Variants in PTBP3 observed in about 807,000 individuals in gnomAD.
PTBP3 encodes the protein polypyrimidine tract binding protein 3.
Under a neutral mutation model 58.7 loss-of-function variants are expected in PTBP3, and 20 were observed. The ratio of observed to expected loss-of-function variants is 0.34; its 90% CI spans 0.24 to 0.50. PTBP3 has a LOEUF of 0.50. PTBP3 is among the 20% of genes least tolerant of loss of function. The pLI, the probability that PTBP3 is intolerant of heterozygous loss-of-function variation, is 0.98. For synonymous variants in PTBP3, 185 were observed against 219.8 expected, an observed-to-expected ratio of 0.84 and a Z score of 1.40; for missense variants, 509 against 637.2, an observed-to-expected ratio of 0.80 and a Z score of 2.17.
chr9:112,220,146 G>A lies in PTBP3; in HGVS notation c.*3705C>T, dbSNP rs777774544. 6.9e-6 allele frequency: 9 copies of A among 1,307,746 alleles called. No homozygotes were observed. Among genetic ancestry groups the A allele is most frequent in the Non-Finnish European group, 9.0e-6 (9 of 998,728 alleles). The allele number at this position is 1,307,746 out of a possible 1,614,324, so 81.0% of individuals were successfully genotyped here. On this transcript the variant is annotated 3_prime_UTR_variant, in exon 14 of 14. Transcript: ENST00000374257. ...TACACATTAGGTTTTCTAAGGGATAGGTGGGGAAAAACACATGTACTTTTG... is the reference window on the plus strand; with the variant it reads ...TACACATTAGGTTTTCTAAGGGATAAGTGGGGAAAAACACATGTACTTTTG...
chr9:112,337,524 C>T (rs1830586037), upstream of PTBP3, among the ~76,000 whole-genome samples: 1 of 152,182 alleles, frequency 6.6e-6, no homozygotes, highest in East Asian at 1.9e-4. Flanking sequence ...TCTCAGATAT[C>T]ACCTACATGA....
At chr9:112,290,685 AAAAT>A (rs1355757927) in intron 2 of PTBP3, among the ~76,000 whole-genome samples, 5 of 38,434 alleles carry the variant, frequency 1.3e-4, no homozygotes, top group African/African-American at 4.8e-4. Flanking sequence ...AAAAAAAAAA[AAAAT>A]ATATATATAT....
intron 1 of PTBP3, among the ~76,000 whole-genome samples, chr9:112,331,943 C>T (rs549696436): frequency 6.6e-6 from 1 of 152,280 alleles, no homozygotes; most frequent in Non-Finnish European, 1.5e-5. Flanking sequence ...TAAGTCAAAC[C>T]TTCCAGACAA....
At chr9:112,363,682 T>G in the PTBP3 span, among the ~76,000 whole-genome samples, 1 of 152,164 alleles carries the variant, frequency 6.6e-6, no homozygotes, top group African/African-American at 2.4e-5. Context: ...TACCACATGG[T>G]TTTTGCTTTT....
chr9:112,348,828 C>G, the PTBP3 span, among the ~76,000 whole-genome samples: 9 of 152,074 alleles, frequency 5.9e-5, no homozygotes, highest in Non-Finnish European at 1.0e-4. Context: ...ACCACCCCCC[C>G]TCCCAGATGT....
At position 112,221,820 on chromosome 9, in the gene PTBP3, T is replaced by C. The variant is rs1010089245; in HGVS notation, c.*2031A>G. 1.1e-5 allele frequency: 11 copies of C among 984,990 alleles called. No homozygotes were observed. The Admixed American group carries it at 4.9e-4, about 44-fold the overall frequency. The allele number at this position is 984,990 out of a possible 1,614,324, so 61.0% of individuals were successfully genotyped here. A position where few individuals can be genotyped will look rare whatever the true frequency, so the allele number is the denominator to read the frequency against. On this transcript the variant is annotated 3_prime_UTR_variant, in exon 14 of 14. Transcript: ENST00000374257. ...ACAATCTGTATCATCTCTTGCAGTCTCTATTTTTTGGTAAAATTTCTTCTG... is the reference window on the plus strand; with the variant it reads ...ACAATCTGTATCATCTCTTGCAGTCCCTATTTTTTGGTAAAATTTCTTCTG...
the PTBP3 span, among the ~76,000 whole-genome samples, chr9:112,366,128 CA>C: frequency 4.6e-5 from 7 of 152,014 alleles, no homozygotes; most frequent in African/African-American, 1.4e-4. Flanking sequence ...ACTAAAAATA[CA>C]AAAATTAGCT....
At chr9:112,234,525 G>C (rs1046552994) in intron 8 of PTBP3, among the ~76,000 whole-genome samples, 1 of 152,158 alleles carries the variant, frequency 6.6e-6, no homozygotes, top group Non-Finnish European at 1.5e-5. Flanking sequence ...ATAACAACTG[G>C]AAAGGCAAAT....
chr9:112,358,163 A>C, the PTBP3 span, among the ~76,000 whole-genome samples: 1 of 152,130 alleles, frequency 6.6e-6, no homozygotes, highest in South Asian at 2.1e-4. Flanking sequence ...ATAAAAAATT[A>C]GCTGGGCGTG....
chr9:112,257,692 C>T (rs1249301312), intron 5 of PTBP3, among the ~76,000 whole-genome samples: 3 of 152,126 alleles, frequency 2.0e-5, no homozygotes, highest in Non-Finnish European at 4.4e-5. Flanking sequence ...GTAATCCCAG[C>T]ACTTTGGGAG....
rs1470407790 is a variant in PTBP3, at chr9:112,223,863, T to G, written c.1563A>C (p.Lys521Asn). The change falls in exon 14 of 14, where the codon AAA becomes AAC. Residue 521 changes from lysine to asparagine, a missense_variant. This residue lies in a region of PTBP3 where 135 missense variants were observed against 229.0 expected (regional missense o/e 0.59). Transcript: ENST00000374257. ...ENHHLRVSFS[K>N]STI ...ATTCACAGAAAAGTCAGATTGTAGA[T>G]TTTGAGAAGGAAACTCTGAGGTGGT... The G allele has an allele frequency of 6.2e-7, 1 of 1,613,478 alleles. No individual in the cohort carries two copies. Among genetic ancestry groups the G allele is most frequent in the Non-Finnish European group, 8.5e-7 (1 of 1,179,580 alleles).
At chr9:112,266,534 T>C (rs1836807382) in intron 4 of PTBP3, among the ~76,000 whole-genome samples, 1 of 152,134 alleles carries the variant, frequency 6.6e-6, no homozygotes, top group Non-Finnish European at 1.5e-5. Flanking sequence ...CAATATACAT[T>C]GTATTGGATT....
intron 1 of PTBP3, among the ~76,000 whole-genome samples, chr9:112,331,227 A>T (rs1388405746): frequency 2.6e-5 from 4 of 152,142 alleles, no homozygotes; most frequent in Non-Finnish European, 5.9e-5. Flanking sequence ...GATCTTTTTC[A>T]GGCTGTTGGA....
At chr9:112,243,788 C>A (rs1788450080) in intron 7 of PTBP3, among the ~76,000 whole-genome samples, 1 of 152,136 alleles carries the variant, frequency 6.6e-6, no homozygotes, top group African/African-American at 2.4e-5. Flanking sequence ...TGTTAGGTAT[C>A]ATTTTAAACT....
chr9:112,365,281 T>C, the PTBP3 span, among the ~76,000 whole-genome samples: 1 of 152,186 alleles, frequency 6.6e-6, no homozygotes, highest in Non-Finnish European at 1.5e-5. Flanking sequence ...GCAAATCTCA[T>C]CTTGTAGCTC....
At chr9:112,349,140 C>A in the PTBP3 span, among the ~76,000 whole-genome samples, 11 of 151,910 alleles carry the variant, frequency 7.2e-5, no homozygotes, top group Non-Finnish European at 1.3e-4. Context: ...CTCTAGGTAG[C>A]CTCAGTATGG....
chr9:112,254,832 T>C (rs1239977127), intron 5 of PTBP3, among the ~76,000 whole-genome samples: 1 of 152,106 alleles, frequency 6.6e-6, no homozygotes, highest in Admixed American at 6.6e-5. Context: ...AAATTAAAAA[T>C]AGAATTACCA....
At chr9:112,253,817 TGACTG>T (rs1456254338) in intron 5 of PTBP3, among the ~76,000 whole-genome samples, 4 of 152,196 alleles carry the variant, frequency 2.6e-5, no homozygotes, top group African/African-American at 9.7e-5. Flanking sequence ...CCTTCTGCCA[TGACTG>T]TAAGTTTCCT....
Position 112,314,090 on chromosome 9 carries a change from A to G in PTBP3, c.-51-16174T>C, listed in dbSNP as rs191754867. Among the ~76,000 whole-genome samples the G allele has an allele frequency of 3.9e-5, 6 of 152,330 alleles. No homozygotes were observed. The East Asian group carries it at 9.6e-4, about 24-fold the overall frequency. On this transcript the variant is annotated intron_variant, in intron 1 of 13. Transcript: ENST00000374257. Reference sequence around the variant, plus strand: ...TTTAAAGTATACAGCAGGATGTGCTATAAGTTATATGCAAATACTGCTCTC... The same window carrying G: ...TTTAAAGTATACAGCAGGATGTGCTGTAAGTTATATGCAAATACTGCTCTC...
Sources: allele counts gnomAD v4.1 joint callset (sites outside exome capture counted in the v4.1 genomes callset), GRCh38; gene constraint gnomAD v4.1.1; regional missense constraint gnomAD v4.1.1; transcripts MANE v1.5; gene names NCBI Gene and HGNC (gene_info 2026-07-23, HGNC 2026-07-21).